Variants in ZNF280D observed in about 807,000 individuals in gnomAD.
ZNF280D encodes the protein suppressor of hairy wing homolog 4.
ZNF280D carries 39 observed loss-of-function variants against 94.7 expected under a neutral mutation model. The observed-to-expected ratio is 0.41, with a 90% confidence interval of 0.32 to 0.54. The LOEUF is 0.54. Among genes scored for constraint, ZNF280D ranks in the 20% least tolerant of loss-of-function variants. The pLI is 0.22. For synonymous variants in ZNF280D, 398 were observed against 377.6 expected, an observed-to-expected ratio of 1.05 and a Z score of -0.63; for missense variants, 1,090 against 1,149.3, an observed-to-expected ratio of 0.95 and a Z score of 0.75.
In ZNF280D at chr15:56,658,453, AC is replaced by A; in HGVS notation, c.2027del (p.Cys676LeufsTer15). ...FHSNRPSKRF[C>X]IFKKHSENLR... ...GATTTTCTGAATGCTTCTTAAAAAT[AC>A]AAAACCTTTTGCTTGGACGGTTACT... On this transcript the variant is annotated frameshift_variant, in exon 17 of 22. Transcript: ENST00000267807. LOFTEE classifies it high-confidence loss of function. The A allele has an allele frequency of 6.3e-7, 1 of 1,588,320 alleles. No individual in the cohort carries two copies. Among genetic ancestry groups the A allele is most frequent in the Non-Finnish European group, 8.5e-7 (1 of 1,172,102 alleles).
chr15:56,705,708 T>A (rs2141237936), intron 3 of ZNF280D, among the ~76,000 whole-genome samples: 1 of 152,302 alleles, frequency 6.6e-6, no homozygotes, highest in East Asian at 1.9e-4. Context: ...AAATCTGAAC[T>A]ACACTGATAA....
intron 16 of ZNF280D, among the ~76,000 whole-genome samples, chr15:56,660,318 T>C (rs1188771836): frequency 1.3e-5 from 2 of 152,196 alleles, no homozygotes; most frequent in African/African-American, 2.4e-5. Context: ...CTATTAAATA[T>C]AAGAGGAGAG....
chr15:56,669,043 T>C (rs1256148115), intron 13 of ZNF280D, 86 bp from the exon 14 acceptor site: 20 of 1,263,838 alleles, frequency 1.6e-5, no homozygotes, highest in Non-Finnish European at 2.2e-5. Flanking sequence ...TTAATTTTAA[T>C]GATACCTAAA....
intron 20 of ZNF280D, among the ~76,000 whole-genome samples, chr15:56,641,833 T>C (rs1050322065): frequency 1.3e-5 from 2 of 151,688 alleles, no homozygotes; most frequent in Non-Finnish European, 3.0e-5. Flanking sequence ...ATGAAGAGTA[T>C]AGGAAATGGT....
chr15:56,696,589 G>A (rs1233900927), intron 6 of ZNF280D, among the ~76,000 whole-genome samples: 2 of 152,154 alleles, frequency 1.3e-5, no homozygotes, highest in Non-Finnish European at 2.9e-5. Flanking sequence ...ACCTGAAAGC[G>A]ATGTTGAGAT....
chr15:56,722,242 T>C (rs959745545), intron 1 of ZNF280D, among the ~76,000 whole-genome samples: 1 of 152,070 alleles, frequency 6.6e-6, no homozygotes, highest in African/African-American at 2.4e-5. Context: ...CCATAACAAA[T>C]ATAATAATTT....
At chr15:56,665,222 G>C (rs1343811341) in intron 16 of ZNF280D, among the ~76,000 whole-genome samples, 2 of 152,120 alleles carry the variant, frequency 1.3e-5, no homozygotes, top group African/African-American at 4.8e-5. Context: ...GCAAGTAACA[G>C]AGAAGTCATG....
intron 16 of ZNF280D, among the ~76,000 whole-genome samples, chr15:56,661,518 CT>C (rs1395103339): frequency 6.6e-6 from 1 of 152,030 alleles, no homozygotes; most frequent in Non-Finnish European, 1.5e-5. Context: ...TCAAGCAGAC[CT>C]TTTTAAAATT....
At chr15:56,726,017 TACA>T (rs2058615209) in intron 1 of ZNF280D, among the ~76,000 whole-genome samples, 1 of 152,082 alleles carries the variant, frequency 6.6e-6, no homozygotes, top group African/African-American at 2.4e-5. Flanking sequence ...AAAGCCTAAA[TACA>T]ACGTTGGCCT....
chr15:56,663,281 C>CAAAA (rs59183252), intron 16 of ZNF280D, among the ~76,000 whole-genome samples: 52 of 102,418 alleles, frequency 5.1e-4, no homozygotes, highest in African/African-American at 1.5e-3. Flanking sequence ...GACCCTTTCT[C>CAAAA]AAAAAAAAAA....
intron 1 of ZNF280D, among the ~76,000 whole-genome samples, chr15:56,712,740 C>G (rs1596625435): frequency 7.5e-6 from 1 of 133,518 alleles, no homozygotes; most frequent in African/African-American, 2.8e-5. Flanking sequence ...TGGTGAATGG[C>G]TTTTTTTTTT....
chr15:56,704,084 C>T (rs1177500859), intron 4 of ZNF280D, 37 bp downstream of exon 4: 6 of 1,608,996 alleles, frequency 3.7e-6, no homozygotes, highest in Admixed American at 1.7e-5. Flanking sequence ...GAAATAATAC[C>T]TTATAAAGCT....
At chr15:56,700,783 G>A in intron 6 of ZNF280D, 150 bp downstream of exon 6, 1 of 1,533,582 alleles carries the variant, frequency 6.5e-7, no homozygotes, top group Non-Finnish European at 8.8e-7. Context: ...GCTTGAGCTA[G>A]CGAAAATATG....
chr15:56,731,904 G>A (rs1286112753), intron 1 of ZNF280D, among the ~76,000 whole-genome samples: 1 of 152,176 alleles, frequency 6.6e-6, no homozygotes, highest in Non-Finnish European at 1.5e-5. Flanking sequence ...CAGGCTAGAT[G>A]GTGCACACCT....
chr15:56,707,232 T>C (rs1200859441), intron 2 of ZNF280D, 31 bp downstream of exon 2: 1 of 1,580,360 alleles, frequency 6.3e-7, no homozygotes, highest in East Asian at 2.3e-5. Flanking sequence ...ATTCACAAAT[T>C]ATTGGATGTA....
At chr15:56,707,340 C>T in intron 1 of ZNF280D, 34 bp from the exon 2 acceptor site, 1 of 1,502,876 alleles carries the variant, frequency 6.7e-7, no homozygotes, top group Non-Finnish European at 8.9e-7. Context: ...TTAGGGTGGA[C>T]TTCATTAAAT....
chr15:56,682,398 G>A lies in ZNF280D; in HGVS notation c.860C>T (p.Thr287Ile). Residue 287 changes from threonine to isoleucine, a missense_variant, in exon 10 of 22, where the codon ACT becomes ATT. This residue lies in a region of ZNF280D where 386 missense variants were observed against 372.0 expected (regional missense o/e 1.04). Coordinates refer to ENST00000267807, the MANE Select transcript of ZNF280D (RefSeq NM_017661.4). Reference protein sequence around the residue: ...EFSSTVNKNTTIDSEKGKLIM... With the variant: ...EFSSTVNKNTIIDSEKGKLIM... ...CAATTTTCCTTTCTCTGAATCAATA[G>A]TTGTGTTTTTATTTACTGTACTTGA... is the stretch of plus-strand genomic sequence containing the variant. 1 of 1,567,976 alleles carries A rather than the reference G, an allele frequency of 6.4e-7. No homozygotes were observed. The highest frequency in any genetic ancestry group is 8.6e-7 in the Non-Finnish European group (1 of 1,162,086).
chr15:56,698,475 T>C (rs1295852407), intron 6 of ZNF280D: 1 of 152,164 alleles, frequency 6.6e-6, no homozygotes, highest in Non-Finnish European at 1.5e-5. Context: ...AAGTGACAGA[T>C]TTGAGGAAAT....
chr15:56,653,951 T>G (rs2053366541), intron 19 of ZNF280D: 1 of 1,372,840 alleles, frequency 7.3e-7, no homozygotes, highest in Admixed American at 3.0e-5. Flanking sequence ...TGTCATGAAC[T>G]TGGCTGCTCA....
Sources: allele counts gnomAD v4.1 joint callset (sites outside exome capture counted in the v4.1 genomes callset), GRCh38; gene constraint gnomAD v4.1.1; regional missense constraint gnomAD v4.1.1; transcripts MANE v1.5; gene names NCBI Gene and HGNC (gene_info 2026-07-23, HGNC 2026-07-21).